KDM4B: variants seen among roughly 807,000 people sequenced by gnomAD.
The protein encoded by KDM4B is lysine demethylase 4B, also known as lysine-specific demethylase 4B.
Under a neutral mutation model 125.2 loss-of-function variants are expected in KDM4B, and 32 were observed. The ratio of observed to expected loss-of-function variants is 0.26; its 90% CI spans 0.19 to 0.34. The LOEUF is 0.34. KDM4B is among the 10% of genes least tolerant of loss of function. The pLI is 1.00. For missense variants in KDM4B, 1,190 were observed against 1,577.7 expected (o/e 0.75, Z 4.16); for synonymous variants, 721 against 677.9 (o/e 1.06, Z -0.99).
At chr19:5,051,348 C>T (rs981807808) in intron 6 of KDM4B, among the ~76,000 whole-genome samples, 9 of 152,228 alleles carry the variant, frequency 5.9e-5, no homozygotes, top group Non-Finnish European at 8.8e-5. Flanking sequence ...ACCCATGTGC[C>T]GGGCTGGGAC....
At chr19:5,067,212 G>T (rs976656883) in intron 6 of KDM4B, among the ~76,000 whole-genome samples, 1 of 152,188 alleles carries the variant, frequency 6.6e-6, no homozygotes, top group Non-Finnish European at 1.5e-5. Context: ...AAGAGTCCTT[G>T]TTGCACTGAG....
Position 5,110,714 on chromosome 19 carries a change from G to A in KDM4B, c.1011G>A (p.Lys337=), listed in dbSNP as rs750114532. The A allele has an allele frequency of 1.9e-6, 3 of 1,612,898 alleles. No individual in the cohort carries two copies. The highest frequency in any genetic ancestry group is 1.7e-6 in the Non-Finnish European group (2 of 1,179,870). The change falls in exon 10 of 23, where the codon AAG becomes AAA. Residue 337 remains lysine (K), a synonymous_variant. Transcript: ENST00000159111. ...GCTACGAGCTGTGGAAGCAGGGCAA[G>A]GACCTCACGGTGCTGGACCACACGC... ...PERYELWKQG[K]DLTVLDHTRP... is the part of the protein sequence containing the mutation.
At chr19:5,095,601 C>T (rs968962401) in intron 9 of KDM4B, among the ~76,000 whole-genome samples, 4 of 152,348 alleles carry the variant, frequency 2.6e-5, no homozygotes, top group African/African-American at 4.8e-5. Flanking sequence ...CGGTGCTGGA[C>T]GCCCCCACAG....
At chr19:5,050,991 C>T (rs1322564045) in intron 6 of KDM4B, among the ~76,000 whole-genome samples, 3 of 152,170 alleles carry the variant, frequency 2.0e-5, no homozygotes, top group Non-Finnish European at 2.9e-5. Flanking sequence ...GCCGGTCCTG[C>T]GGCTGTTCCC....
rs2038286967 is a variant in KDM4B at position 5,081,306 on chromosome 19, TTTG to T, written c.781-1054_781-1052del. ...AGCAGGTGGGAGCCATCACTCCAAA[TTTG>T]TTGTTGATCTTTCTGGATGGTCGTC... On this transcript the variant is annotated intron_variant, in intron 8 of 22. Coordinates refer to ENST00000159111, the MANE Select transcript of KDM4B (RefSeq NM_015015.3). This position sits in a 1 kb window ranked among gnomAD's most constrained non-coding sequence, Gnocchi z 4.2. 6.6e-6 allele frequency among the ~76,000 whole-genome samples: 1 copy of T among 151,934 alleles called. No individual in the cohort carries two copies. The highest frequency in any genetic ancestry group is 2.4e-5 in the African/African-American group (1 of 41,334).
chr19:5,119,969 G>C, intron 11 of KDM4B, 117 bp downstream of exon 11: 1 of 1,305,644 alleles, frequency 7.7e-7, no homozygotes. Flanking sequence ...ATCTGATTCA[G>C]TGGCTTTCTT....
At chr19:5,094,473 T>G (rs2038777723) in intron 9 of KDM4B, among the ~76,000 whole-genome samples, 2 of 152,110 alleles carry the variant, frequency 1.3e-5, no homozygotes. Flanking sequence ...GAGGGGCCAC[T>G]GGCTGGAGAA....
intron 1 of KDM4B, among the ~76,000 whole-genome samples, chr19:5,007,330 C>G (rs948233761): frequency 7.9e-5 from 12 of 152,186 alleles, no homozygotes; most frequent in Non-Finnish European, 1.6e-4. Flanking sequence ...GCTGTGATGT[C>G]AAGCATCTCT....
At chr19:5,101,551 A>G (rs937245172) in intron 9 of KDM4B, among the ~76,000 whole-genome samples, 1 of 151,352 alleles carries the variant, frequency 6.6e-6, no homozygotes, top group African/African-American at 2.4e-5. Context: ...ACAAAACCCC[A>G]AAACCCAAAA....
chr19:4,987,494 C>T (rs1029089662), intron 1 of KDM4B, among the ~76,000 whole-genome samples: 5 of 151,772 alleles, frequency 3.3e-5, no homozygotes, highest in Non-Finnish European at 7.4e-5. Context: ...GGGGTTATCT[C>T]GGGGCTGGCA....
intron 1 of KDM4B, among the ~76,000 whole-genome samples, chr19:5,012,577 C>T (rs1462875768): frequency 6.6e-6 from 1 of 152,190 alleles, no homozygotes; most frequent in Admixed American, 6.5e-5. Flanking sequence ...GACACGTTCC[C>T]TGTGTTTTGT....
At chr19:5,103,491 C>G (rs943990300) in intron 9 of KDM4B, among the ~76,000 whole-genome samples, 27 of 152,336 alleles carry the variant, frequency 1.8e-4, no homozygotes, top group African/African-American at 6.3e-4. Flanking sequence ...ACGCGTCAGT[C>G]TTCAGGGGCA....
intron 7 of KDM4B, chr19:5,076,845 G>A (rs12979556): frequency 0.089 from 14,374 of 162,152 alleles, 881 homozygotes; most frequent in East Asian, 0.24. Context: ...TGACGAGAGC[G>A]GCCACACCGT....
At chr19:5,040,450 G>A (rs558326120) in intron 4 of KDM4B, among the ~76,000 whole-genome samples, 2 of 152,120 alleles carry the variant, frequency 1.3e-5, no homozygotes, top group Admixed American at 6.5e-5. Context: ...CCATACACAG[G>A]CACACACGGG....
chr19:4,982,156 G>A (rs1387769902), intron 1 of KDM4B, among the ~76,000 whole-genome samples: 1 of 152,154 alleles, frequency 6.6e-6, no homozygotes, highest in Admixed American at 6.5e-5. Context: ...AGCCTGGTGT[G>A]TTGGTGCAGG....
chr19:5,004,853 C>T (rs797004130), intron 1 of KDM4B, among the ~76,000 whole-genome samples: 8 of 152,304 alleles, frequency 5.3e-5, no homozygotes, highest in African/African-American at 1.9e-4. Flanking sequence ...AGCCCCCAGC[C>T]TGACCCCAGA....
chr19:5,047,348 G>A (rs532255020), intron 5 of KDM4B, 128 bp from the exon 6 acceptor site: 209 of 803,048 alleles, frequency 2.6e-4, no homozygotes, highest in Admixed American at 2.8e-4. Context: ...TGGGGGGGCC[G>A]CAGATACTGG....
At chr19:5,015,682 T>G (rs2035870619) in intron 1 of KDM4B, among the ~76,000 whole-genome samples, 1 of 152,168 alleles carries the variant, frequency 6.6e-6, no homozygotes, top group Admixed American at 6.5e-5. Context: ...AGACCCTGTC[T>G]CTTAAAAAAA....
chr19:5,137,709 C>G (rs759792950), intron 17 of KDM4B, 33 bp downstream of exon 17: 2 of 1,546,600 alleles, frequency 1.3e-6, no homozygotes, highest in African/African-American at 2.7e-5. Context: ...GCTGGAGGGC[C>G]GGAGGGGAGC....
Sources: allele counts gnomAD v4.1 joint callset (sites outside exome capture counted in the v4.1 genomes callset), GRCh38; gene constraint gnomAD v4.1.1; non-coding constraint Gnocchi (gnomAD v3.1); transcripts MANE v1.5; gene names NCBI Gene and HGNC (gene_info 2026-07-23, HGNC 2026-07-21).